Variants in DIAPH1 observed in about 807,000 individuals in gnomAD.
DIAPH1 encodes the protein diaphanous related formin 1, also known as protein diaphanous homolog 1.
In DIAPH1, 46 loss-of-function variants were observed where a neutral mutation model predicts 140.7. The ratio of observed to expected loss-of-function variants is 0.33; its 90% confidence interval spans 0.26 to 0.42. The LOEUF is 0.42. Ranked by LOEUF, DIAPH1 falls within the 10% of genes least tolerant of loss-of-function variation. DIAPH1 has a pLI of 1.00. For synonymous variants in DIAPH1, 565 were observed against 551.6 expected (o/e 1.02, Z -0.34); for missense variants, 1,310 against 1,558.7 (o/e 0.84, Z 2.69).
chr5:141,618,323 GAA>G (rs946356177), intron 1 of DIAPH1: 1 of 153,032 alleles, frequency 6.5e-6, no homozygotes, highest in Non-Finnish European at 1.5e-5. Context: ...TGGGCGGGAG[GAA>G]AGTTAGCAGG....
intron 18 of DIAPH1, among the ~76,000 whole-genome samples, chr5:141,542,870 T>C (rs2154595428): frequency 6.6e-6 from 1 of 152,336 alleles, no homozygotes; most frequent in East Asian, 1.9e-4. Context: ...CTCAATAAAA[T>C]TGTTTATTGT....
intron 26 of DIAPH1, among the ~76,000 whole-genome samples, chr5:141,525,802 G>C (rs1410332775): frequency 6.6e-6 from 1 of 152,314 alleles, no homozygotes; most frequent in Non-Finnish European, 1.5e-5. Flanking sequence ...AGGGGAATGA[G>C]AGAGAATGCA....
chr5:141,573,828 G>A lies in DIAPH1; in HGVS notation c.2022C>T (p.Ala674=). Residue 674 remains alanine, a synonymous_variant, in exon 16 of 28, where the codon GCC becomes GCT. Transcript: ENST00000389054. ...CAGGCAAAGGAGGAGGTGGGGGGAT[G>A]GCAGTACCTCCAGGCAAAGAAGAGG... The part of the protein sequence containing the change: ...PSPSSLPGGT[A]IPPPPPLPGS... 1 of 1,519,112 alleles carries A rather than the reference G, an allele frequency of 6.6e-7. No individual in the cohort carries two copies. Among genetic ancestry groups the A allele is most frequent in the South Asian group, 1.3e-5 (1 of 76,728 alleles). The allele number at this position is 1,519,112 out of a possible 1,614,324, so 94.1% of individuals were successfully genotyped here.
At chr5:141,527,096 T>C (rs2099887456) in intron 24 of DIAPH1, among the ~76,000 whole-genome samples, 1 of 152,042 alleles carries the variant, frequency 6.6e-6, no homozygotes, top group Admixed American at 6.6e-5. Flanking sequence ...GGGAAGCATG[T>C]GTGAGCGTGT....
At chr5:141,556,395 A>G (rs1273801445) in intron 18 of DIAPH1, among the ~76,000 whole-genome samples, 1 of 152,258 alleles carries the variant, frequency 6.6e-6, no homozygotes, top group East Asian at 1.9e-4. Context: ...CAGTTGTCCC[A>G]AAGCTTAAAA....
intron 19 of DIAPH1, 75 bp from the exon 20 acceptor site, chr5:141,529,772 C>CAGGA: frequency 7.6e-7 from 1 of 1,309,476 alleles, no homozygotes; most frequent in Non-Finnish European, 1.1e-6. Context: ...CAAACCTATG[C>CAGGA]TGGATAATCT....
At position 141,607,498 on chromosome 5, in the gene DIAPH1, A is replaced by T. The variant is rs561695173; in HGVS notation, c.117+11300T>A. Among the ~76,000 whole-genome samples, 5 of 152,336 alleles carry T rather than the reference A, an allele frequency of 3.3e-5. No individual in the cohort carries two copies. In the East Asian group the frequency reaches 9.6e-4, roughly 29 times the overall value. On this transcript the variant is annotated intron_variant, in intron 1 of 27. Coordinates refer to ENST00000389054, the MANE Select transcript of DIAPH1 (RefSeq NM_005219.5). ...AACACTATTCCTTCTTGGATATTCC[A>T]ATGTACTTACTGTCACCACCACTTA...
chr5:141,535,104 C>G lies in DIAPH1; in HGVS notation c.2483-671G>C, dbSNP rs540307909. On this transcript the variant is annotated intron_variant, in intron 18 of 27. Transcript: ENST00000389054. The stretch of plus-strand genomic sequence containing the variant: ...AGCTGGGACTACAGGTGCAGGCCAC[C>G]ACGCCCGGCTAATTTTTTTATTTTT... 5.9e-5 allele frequency among the ~76,000 whole-genome samples: 9 copies of G among 152,226 alleles called. No individual in the cohort carries two copies. In the South Asian group the frequency reaches 1.9e-3, roughly 32 times the overall value.
intron 27 of DIAPH1, among the ~76,000 whole-genome samples, chr5:141,520,088 G>A (rs1039962329): frequency 2.0e-5 from 3 of 152,126 alleles, no homozygotes; most frequent in East Asian, 1.9e-4. Context: ...TTTATAAAAC[G>A]TAGGCTAGGA....
rs750249960 is a variant in DIAPH1, at chr5:141,583,512, C to T, written c.506G>A (p.Arg169His). The T allele has an allele frequency of 1.2e-6, 2 of 1,614,134 alleles. No individual in the cohort carries two copies. Among genetic ancestry groups the T allele is most frequent in the Non-Finnish European group, 1.7e-6 (2 of 1,180,024 alleles). ...GACAGGGTTGTTGTTGAGAGACACA[C>T]GAAGGGACTCCAGGCAGCTGAGCAG... is the stretch of plus-strand genomic sequence containing the variant. ...MPLLSCLESL[R>H]VSLNNNPVSW... Residue 169 changes from arginine to histidine, a missense_variant, in exon 5 of 28, where the codon CGT (arginine) becomes CAT (histidine). Arg to His is a conservative substitution (Grantham distance 29). This residue lies in a region of DIAPH1 where 377 missense variants were observed against 497.1 expected (regional missense o/e 0.76). Coordinates refer to ENST00000389054, the MANE Select transcript of DIAPH1 (RefSeq NM_005219.5).
intron 18 of DIAPH1, among the ~76,000 whole-genome samples, chr5:141,541,420 G>A (rs2154595375): frequency 6.6e-6 from 1 of 152,244 alleles, no homozygotes; most frequent in East Asian, 1.9e-4. Flanking sequence ...GTGCACAGTG[G>A]CTCATGCCTG....
At chr5:141,527,085 A>G (rs373483136) in intron 24 of DIAPH1, among the ~76,000 whole-genome samples, 20 of 152,242 alleles carry the variant, frequency 1.3e-4, no homozygotes, top group African/African-American at 4.6e-4. Flanking sequence ...GGGGAAAGAG[A>G]GGGAAGCATG....
chr5:141,575,168 C>T (rs1562322638), intron 14 of DIAPH1, 22 bp from the exon 15 acceptor site: 1 of 1,613,668 alleles, frequency 6.2e-7, no homozygotes, highest in Non-Finnish European at 8.5e-7. Flanking sequence ...ACGAATCAGG[C>T]TCCCAGCAAG....
intron 1 of DIAPH1, among the ~76,000 whole-genome samples, chr5:141,604,561 G>A (rs1321759298): frequency 6.6e-6 from 1 of 152,146 alleles, no homozygotes; most frequent in Non-Finnish European, 1.5e-5. Flanking sequence ...CTCAAGGGTG[G>A]GCATGTGTGT....
intron 18 of DIAPH1, among the ~76,000 whole-genome samples, chr5:141,566,254 TAGA>T (rs1473014735): frequency 6.6e-6 from 1 of 152,106 alleles, no homozygotes; most frequent in Non-Finnish European, 1.5e-5. Flanking sequence ...ACAAAATCAG[TAGA>T]AGAATTCAAG....
At position 141,605,975 on chromosome 5, in the gene DIAPH1, A is replaced by G. The variant is rs2299025; in HGVS notation, c.117+12823T>C. ...TCTTTTAAAAATACAAGAATCAAGA[A>G]AGAAATCACTAGAGACCTCTAAGCC... is the stretch of plus-strand genomic sequence containing the variant. On this transcript the variant is annotated intron_variant, in intron 1 of 27. Coordinates refer to ENST00000389054, the MANE Select transcript of DIAPH1 (RefSeq NM_005219.5). 6.6e-5 allele frequency among the ~76,000 whole-genome samples: 10 copies of G among 152,296 alleles called. No homozygotes were observed. The East Asian group carries it at 1.7e-3, about 26-fold the overall frequency.
intron 27 of DIAPH1, chr5:141,519,016 T>C (rs536098648): frequency 1.9e-6 from 3 of 1,549,804 alleles, no homozygotes; most frequent in Non-Finnish European, 2.6e-6. Context: ...GGAGAAAGAA[T>C]AGTGAAGACC....
rs1397864942 is a variant in DIAPH1, at chr5:141,583,632, G to A, written c.403-17C>T. The A allele has an allele frequency of 1.2e-6, 2 of 1,614,038 alleles. No individual in the cohort carries two copies. The highest frequency in any genetic ancestry group is 2.2e-5 in the East Asian group (1 of 44,892). Reference sequence around the variant, plus strand: ...GCTCATGCCCTAGACAGAAGGCATAGACAGAGATTAGTAATGGTGGACCCA... The same window carrying A: ...GCTCATGCCCTAGACAGAAGGCATAAACAGAGATTAGTAATGGTGGACCCA... On this transcript the variant is annotated splice_polypyrimidine_tract_variant and intron_variant, in intron 4 of 27. Coordinates refer to ENST00000389054, the MANE Select transcript of DIAPH1 (RefSeq NM_005219.5).
At chr5:141,593,804 T>G (rs1458733149) in intron 1 of DIAPH1, among the ~76,000 whole-genome samples, 1 of 152,186 alleles carries the variant, frequency 6.6e-6, no homozygotes, top group Admixed American at 6.5e-5. Flanking sequence ...TGCAAAGATG[T>G]GGAGCAAGAA....
Sources: allele counts gnomAD v4.1 joint callset (sites outside exome capture counted in the v4.1 genomes callset), GRCh38; gene constraint gnomAD v4.1.1; regional missense constraint gnomAD v4.1.1; transcripts MANE v1.5; gene names NCBI Gene and HGNC (gene_info 2026-07-23, HGNC 2026-07-21).